SH3BGRL2: variants seen among roughly 807,000 people sequenced by gnomAD.
The protein encoded by SH3BGRL2 is SH3 domain binding glutamate rich protein like 2.
Under a neutral mutation model 14.8 loss-of-function variants are expected in SH3BGRL2, and 21 were observed. That is an observed-to-expected ratio of 1.42 (90% CI 1.01 to 2.05). The LOEUF (loss-of-function observed/expected upper bound fraction) is 2.05. SH3BGRL2 is among the 30% of genes most tolerant of loss of function. SH3BGRL2 has a pLI of 0.00. For missense variants in SH3BGRL2, 147 were observed against 130.8 expected, an observed-to-expected ratio of 1.12 and a Z score of -0.61; for synonymous variants, 50 against 47.8, an observed-to-expected ratio of 1.05 and a Z score of -0.19.
the SH3BGRL2 span, chr6:79,575,317 G>A: frequency 6.6e-6 from 1 of 152,046 alleles, no homozygotes; most frequent in African/African-American, 2.4e-5. Context: ...ACTAATGTTT[G>A]TCTGACTGAT....
At position 79,649,991 on chromosome 6, in the gene SH3BGRL2, A is replaced by T. The variant is rs907187278; in HGVS notation, c.45+18485A>T. Among the ~76,000 whole-genome samples the T allele has an allele frequency of 3.0e-4, 42 of 142,092 alleles. 1 individual carries two copies. Among genetic ancestry groups the T allele is most frequent in the South Asian group, 6.7e-4 (3 of 4,462 alleles). 93.2% of individuals were successfully genotyped at this position (142,092 alleles called of 152,430 possible). A position where few individuals can be genotyped will look rare whatever the true frequency, so the allele number is the denominator to read the frequency against. ...TACTCTCTCTCTCTCTCTCTCACACACACACACACACACACACACACACAC... is the reference window on the plus strand; with the variant it reads ...TACTCTCTCTCTCTCTCTCTCACACTCACACACACACACACACACACACAC... On this transcript the variant is annotated intron_variant, in intron 1 of 3. Coordinates refer to ENST00000369838, the MANE Select transcript of SH3BGRL2 (RefSeq NM_031469.4).
At chr6:79,560,175 A>G in the SH3BGRL2 span, among the ~76,000 whole-genome samples, 155 of 152,340 alleles carry the variant, frequency 1.0e-3, no homozygotes, top group African/African-American at 3.7e-3. Context: ...ATCTTCGAAT[A>G]TGACCTAAAC....
intron 1 of SH3BGRL2, among the ~76,000 whole-genome samples, chr6:79,665,182 A>G (rs1769632909): frequency 6.6e-6 from 1 of 152,252 alleles, no homozygotes; most frequent in Admixed American, 6.5e-5. Flanking sequence ...CCTGGGCAAC[A>G]GAGCGAGACT....
At chr6:79,606,918 T>G in the SH3BGRL2 span, among the ~76,000 whole-genome samples, 2 of 152,146 alleles carry the variant, frequency 1.3e-5, no homozygotes, top group Non-Finnish European at 2.9e-5. Context: ...ATAAATATTT[T>G]TCCCCTGGTT....
chr6:79,538,027 T>TTTTTTG, the SH3BGRL2 span, among the ~76,000 whole-genome samples: 1 of 86,964 alleles, frequency 1.1e-5, no homozygotes, highest in Non-Finnish European at 2.4e-5. Flanking sequence ...AGTTTTTTTT[T>TTTTTTG]TTTTTTTTTT....
chr6:79,571,677 C>T, the SH3BGRL2 span, among the ~76,000 whole-genome samples: 2 of 152,080 alleles, frequency 1.3e-5, no homozygotes, highest in Non-Finnish European at 2.9e-5. Flanking sequence ...TGATCACAGC[C>T]AAGTCCCTTT....
chr6:79,682,074 C>T (rs532467441), intron 2 of SH3BGRL2, among the ~76,000 whole-genome samples: 76 of 152,088 alleles, frequency 5.0e-4, no homozygotes, highest in Non-Finnish European at 1.0e-3. Context: ...TCTTCAACTA[C>T]GGTCTGACAA....
chr6:79,590,071 C>G, the SH3BGRL2 span, among the ~76,000 whole-genome samples: 1 of 152,032 alleles, frequency 6.6e-6, no homozygotes, highest in African/African-American at 2.4e-5. Context: ...CCTTGTCAGG[C>G]TGAATAGTAT....
chr6:79,609,586 T>C, the SH3BGRL2 span, among the ~76,000 whole-genome samples: 1 of 152,070 alleles, frequency 6.6e-6, no homozygotes, highest in African/African-American at 2.4e-5. Context: ...ACTATCCGAG[T>C]TCTGTTGAGC....
the SH3BGRL2 span, among the ~76,000 whole-genome samples, chr6:79,596,794 A>G: frequency 3.9e-5 from 6 of 152,186 alleles, no homozygotes; most frequent in Admixed American, 1.3e-4. Context: ...TTCATATGGA[A>G]ATTCAAAGGA....
upstream of SH3BGRL2, among the ~76,000 whole-genome samples, chr6:79,626,705 GTT>G (rs1209890845): frequency 3.9e-5 from 6 of 152,234 alleles, no homozygotes; most frequent in Admixed American, 1.3e-4. Context: ...ACTGGGCTCG[GTT>G]TTTAAAAATC....
chr6:79,662,366 G>T (rs1016961045), intron 1 of SH3BGRL2, among the ~76,000 whole-genome samples: 2 of 152,108 alleles, frequency 1.3e-5, no homozygotes, highest in African/African-American at 2.4e-5. Context: ...CTCAGCATTT[G>T]CTTGTCTGTA....
At chr6:79,544,391 C>T in the SH3BGRL2 span, among the ~76,000 whole-genome samples, 3 of 152,210 alleles carry the variant, frequency 2.0e-5, no homozygotes, top group African/African-American at 7.2e-5. Context: ...AGAGCCTAAT[C>T]ACTGCTGTGC....
chr6:79,567,912 A>T, the SH3BGRL2 span, among the ~76,000 whole-genome samples: 1 of 152,210 alleles, frequency 6.6e-6, no homozygotes, highest in African/African-American at 2.4e-5. Context: ...AGAAACCAAT[A>T]GGAAATGGGC....
chr6:79,540,844 T>C, the SH3BGRL2 span, among the ~76,000 whole-genome samples: 1 of 152,132 alleles, frequency 6.6e-6, no homozygotes, highest in Admixed American at 6.5e-5. Flanking sequence ...TCATCTAAAC[T>C]GGAAAAAATT....
At chr6:79,560,771 G>A in the SH3BGRL2 span, among the ~76,000 whole-genome samples, 1 of 147,528 alleles carries the variant, frequency 6.8e-6, no homozygotes, top group Non-Finnish European at 1.5e-5. Flanking sequence ...CTGTCCAATA[G>A]AAATTGAATG....
chr6:79,568,227 G>A, the SH3BGRL2 span, among the ~76,000 whole-genome samples: 2 of 152,078 alleles, frequency 1.3e-5, no homozygotes, highest in Admixed American at 1.3e-4. Flanking sequence ...ATACACCCCA[G>A]ACTATAGAAA....
intron 1 of SH3BGRL2, among the ~76,000 whole-genome samples, chr6:79,650,474 T>C (rs914566286): frequency 2.6e-5 from 4 of 152,126 alleles, no homozygotes; most frequent in African/African-American, 9.7e-5. Context: ...AAGAGATTTA[T>C]TTGTCTCACA....
the SH3BGRL2 span, among the ~76,000 whole-genome samples, chr6:79,539,600 G>A: frequency 6.6e-6 from 1 of 152,188 alleles, no homozygotes; most frequent in African/African-American, 2.4e-5. Flanking sequence ...GTAGGACTTT[G>A]ATTGGCTTCT....
Sources: gnomAD v4.1 joint callset for allele counts (sites outside exome capture counted in the v4.1 genomes callset) on GRCh38, gnomAD v4.1.1 for gene constraint, MANE v1.5 for transcripts, NCBI Gene and HGNC (gene_info 2026-07-23, HGNC 2026-07-21) for gene names.